Variants in PCSK2 observed in about 807,000 individuals in gnomAD.
The protein encoded by PCSK2 is neuroendocrine convertase 2.
A neutral mutation model predicts 69.7 loss-of-function variants in PCSK2; 14 were observed. The observed-to-expected ratio is 0.20, with a 90% CI of 0.13 to 0.31. PCSK2 has a LOEUF of 0.31. PCSK2 is among the 10% of genes least tolerant of loss of function. The probability of loss-of-function intolerance (pLI) is 1.00; values close to 1 mark genes in which losing one functional copy is unlikely to be tolerated. For synonymous variants in PCSK2, 307 were observed against 320.7 expected (o/e 0.96, Z 0.46); for missense variants, 544 against 842.5 (o/e 0.65, Z 4.39).
At chr20:17,243,023 C>A (rs1377083024) in intron 1 of PCSK2, among the ~76,000 whole-genome samples, 1 of 152,040 alleles carries the variant, frequency 6.6e-6, no homozygotes, top group Non-Finnish European at 1.5e-5. Context: ...TTATTATAGC[C>A]CTTTATAGCT....
intron 1 of PCSK2, among the ~76,000 whole-genome samples, chr20:17,239,582 G>A (rs954730522): frequency 2.0e-5 from 3 of 151,934 alleles, no homozygotes; most frequent in African/African-American, 7.3e-5. Context: ...AATGAGGAGA[G>A]GACCAAAGAA....
At chr20:17,335,857 GGTGTGTGTGT>G (rs3138653) in intron 2 of PCSK2, among the ~76,000 whole-genome samples, 11 of 142,696 alleles carry the variant, frequency 7.7e-5, no homozygotes, top group African/African-American at 2.1e-4. Context: ...AGTAGTCCAT[GGTGTGTGTGT>G]GTGTGTGTGT....
At chr20:17,424,557 G>GTAA (rs2032203557) in intron 6 of PCSK2, among the ~76,000 whole-genome samples, 3 of 150,016 alleles carry the variant, frequency 2.0e-5, no homozygotes, top group Admixed American at 6.6e-5. Context: ...CAGTGGCTCC[G>GTAA]TCTCGGCTCA....
chr20:17,413,946 G>A (rs565479715), intron 6 of PCSK2, among the ~76,000 whole-genome samples: 4 of 152,260 alleles, frequency 2.6e-5, no homozygotes, highest in African/African-American at 7.2e-5. Context: ...GGTACATAAC[G>A]AAATGAAGGC....
At chr20:17,463,723 T>A (rs1301861977) in intron 10 of PCSK2, 1 of 138,578 alleles carries the variant, frequency 7.2e-6, no homozygotes, top group Non-Finnish European at 1.5e-5. Context: ...TGTGTCCAAG[T>A]GTGGAACTTG....
intron 8 of PCSK2, among the ~76,000 whole-genome samples, chr20:17,443,169 G>C (rs573161749): frequency 6.6e-6 from 1 of 152,202 alleles, no homozygotes; most frequent in African/African-American, 2.4e-5. Flanking sequence ...GAACATCATG[G>C]TGACAGCAGC....
intron 1 of PCSK2, among the ~76,000 whole-genome samples, chr20:17,239,612 C>T (rs1258466948): frequency 2.0e-5 from 3 of 151,992 alleles, no homozygotes; most frequent in Non-Finnish European, 4.4e-5. Context: ...GAGTTTCAAG[C>T]CAATGGACCA....
intron 5 of PCSK2, among the ~76,000 whole-genome samples, chr20:17,404,468 G>T (rs540329329): frequency 6.6e-6 from 1 of 152,300 alleles, no homozygotes; most frequent in South Asian, 2.1e-4. Flanking sequence ...GTGGAGTGGT[G>T]GAAACCACGG....
chr20:17,364,278 A>T (rs2030510459), intron 4 of PCSK2, among the ~76,000 whole-genome samples: 2 of 152,160 alleles, frequency 1.3e-5, no homozygotes, highest in Non-Finnish European at 2.9e-5. Context: ...GAGATTTAGA[A>T]CTCTGCATCA....
intron 2 of PCSK2, among the ~76,000 whole-genome samples, chr20:17,350,332 T>C (rs773000610): frequency 1.8e-4 from 28 of 151,608 alleles, no homozygotes; most frequent in Non-Finnish European, 3.4e-4. Flanking sequence ...CATAGATTAA[T>C]AAACCAGTAT....
At chr20:17,423,879 G>A (rs1340530883) in intron 6 of PCSK2, among the ~76,000 whole-genome samples, 1 of 152,198 alleles carries the variant, frequency 6.6e-6, no homozygotes, top group African/African-American at 2.4e-5. Flanking sequence ...TGCTAGTGAT[G>A]AGGAAATGCA....
chr20:17,478,326 A>C (rs1035046281), intron 11 of PCSK2, among the ~76,000 whole-genome samples: 1 of 152,224 alleles, frequency 6.6e-6, no homozygotes, highest in African/African-American at 2.4e-5. Flanking sequence ...TATAGTGCTC[A>C]GCAGAGACAT....
intron 2 of PCSK2, among the ~76,000 whole-genome samples, chr20:17,311,396 G>T (rs1363089225): frequency 6.6e-6 from 1 of 151,838 alleles, no homozygotes; most frequent in Non-Finnish European, 1.5e-5. Context: ...TAAAAATTTA[G>T]GCACCTATAA....
At chr20:17,469,744 G>A (rs931408894) in intron 11 of PCSK2, among the ~76,000 whole-genome samples, 2 of 152,114 alleles carry the variant, frequency 1.3e-5, no homozygotes, top group Non-Finnish European at 2.9e-5. Context: ...ATGACAGGAG[G>A]TTGGGAAAGG....
intron 2 of PCSK2, among the ~76,000 whole-genome samples, chr20:17,341,227 G>A (rs538093538): frequency 7.2e-5 from 11 of 152,254 alleles, no homozygotes; most frequent in East Asian, 1.9e-4. Context: ...AAGGCAGAGC[G>A]GGACTGTCTC....
chr20:17,267,397 A>C (rs1987660053), intron 2 of PCSK2, among the ~76,000 whole-genome samples: 1 of 152,186 alleles, frequency 6.6e-6, no homozygotes, highest in Admixed American at 6.5e-5. Context: ...TATGCATAAG[A>C]AGCAGGGCAG....
chr20:17,378,740 G>A (rs1400351894), intron 5 of PCSK2, among the ~76,000 whole-genome samples: 1 of 152,070 alleles, frequency 6.6e-6, no homozygotes, highest in African/African-American at 2.4e-5. Flanking sequence ...ATGGGAGGAT[G>A]CTAATGAGAC....
At chr20:17,283,412 T>A (rs1226368405) in intron 2 of PCSK2, among the ~76,000 whole-genome samples, 1 of 152,150 alleles carries the variant, frequency 6.6e-6, no homozygotes, top group African/African-American at 2.4e-5. Context: ...AACTGGAATC[T>A]TACTTGGAGC....
chr20:17,428,822 A>T (rs2032302160), intron 6 of PCSK2, among the ~76,000 whole-genome samples: 1 of 150,876 alleles, frequency 6.6e-6, no homozygotes, highest in Non-Finnish European at 1.5e-5. Flanking sequence ...AACATGGGAA[A>T]CCCCCTTCTC....
Sources: gnomAD v4.1 joint callset for allele counts (sites outside exome capture counted in the v4.1 genomes callset) on GRCh38, gnomAD v4.1.1 for gene constraint, MANE v1.5 for transcripts, NCBI Gene and HGNC (gene_info 2026-07-23, HGNC 2026-07-21) for gene names.